Variants in FAF1 observed in about 807,000 individuals in gnomAD.
The protein encoded by FAF1 is FAS-associated factor 1.
Under a neutral mutation model 92.5 loss-of-function variants are expected in FAF1, and 25 were observed. The observed-to-expected ratio is 0.27, with a 90% CI of 0.20 to 0.38. The LOEUF is 0.38. FAF1 is among the 10% of genes least tolerant of loss of function. FAF1 has a pLI of 1.00. For synonymous variants in FAF1, 234 were observed against 273.2 expected, an observed-to-expected ratio of 0.86 and a Z score of 1.42; for missense variants, 636 against 793.3, an observed-to-expected ratio of 0.80 and a Z score of 2.38.
chr1:50,573,258 C>T (rs752342833), intron 12 of FAF1, among the ~76,000 whole-genome samples: 1 of 151,806 alleles, frequency 6.6e-6, no homozygotes, highest in Non-Finnish European at 1.5e-5. Context: ...GCCACCATGC[C>T]CGGCTAATTT....
intron 9 of FAF1, among the ~76,000 whole-genome samples, chr1:50,588,545 G>A (rs1651352638): frequency 6.6e-6 from 1 of 152,160 alleles, no homozygotes; most frequent in Non-Finnish European, 1.5e-5. Flanking sequence ...GAAGGAGAGA[G>A]GCACTCTGGG....
At chr1:50,916,162 C>T (rs1397430389) in intron 1 of FAF1, among the ~76,000 whole-genome samples, 2 of 151,990 alleles carry the variant, frequency 1.3e-5, no homozygotes, top group Non-Finnish European at 2.9e-5. Flanking sequence ...AAAAGGGGGT[C>T]GTAGGAGGAA....
chr1:50,932,900 T>C (rs1480415397), intron 1 of FAF1, among the ~76,000 whole-genome samples: 6 of 152,160 alleles, frequency 3.9e-5, no homozygotes, highest in African/African-American at 1.4e-4. Context: ...ACCCGGAGGC[T>C]CAACACCATG....
At chr1:50,531,748 A>G (rs1210380952) in intron 15 of FAF1, among the ~76,000 whole-genome samples, 1 of 152,176 alleles carries the variant, frequency 6.6e-6, no homozygotes, top group East Asian at 1.9e-4. Flanking sequence ...GGTTAAAAAT[A>G]GAGCAATCAG....
chr1:50,614,788 G>A (rs1242773386), intron 8 of FAF1, among the ~76,000 whole-genome samples: 6 of 145,374 alleles, frequency 4.1e-5, no homozygotes, highest in Admixed American at 2.1e-4. Flanking sequence ...GCAGTGAGCC[G>A]AGATCGCGTC....
intron 1 of FAF1, among the ~76,000 whole-genome samples, chr1:50,892,007 C>G (rs1644724296): frequency 6.6e-6 from 1 of 152,174 alleles, no homozygotes; most frequent in Non-Finnish European, 1.5e-5. Flanking sequence ...GGGGTCCACC[C>G]AGTTCGAGCT....
intron 14 of FAF1, among the ~76,000 whole-genome samples, chr1:50,535,884 C>T (rs1648453831): frequency 1.3e-5 from 2 of 152,196 alleles, no homozygotes; most frequent in East Asian, 3.9e-4. Flanking sequence ...ATGAAGGATT[C>T]ATTATGATTT....
At chr1:50,480,476 A>G (rs1279349773) in intron 17 of FAF1, among the ~76,000 whole-genome samples, 1 of 152,240 alleles carries the variant, frequency 6.6e-6, no homozygotes, top group Non-Finnish European at 1.5e-5. Context: ...GCTAACATTC[A>G]TTAATTCCAT....
intron 6 of FAF1, among the ~76,000 whole-genome samples, chr1:50,720,303 A>G (rs1009580474): frequency 2.0e-5 from 3 of 152,188 alleles, no homozygotes; most frequent in African/African-American, 7.2e-5. Context: ...AAAAACATTT[A>G]CCAGCCCAGT....
chr1:50,843,392 G>A (rs1557554688), intron 2 of FAF1, among the ~76,000 whole-genome samples: 1 of 152,070 alleles, frequency 6.6e-6, no homozygotes, highest in Admixed American at 6.5e-5. Context: ...ATTTATTTGT[G>A]TTGGGGACAC....
intron 8 of FAF1, among the ~76,000 whole-genome samples, chr1:50,604,328 A>T (rs1652278485): frequency 6.6e-6 from 1 of 152,172 alleles, no homozygotes; most frequent in African/African-American, 2.4e-5. Context: ...TGATCCCACC[A>T]TCCCCAACAG....
chr1:50,893,643 G>T (rs1364211210), intron 1 of FAF1, among the ~76,000 whole-genome samples: 2 of 152,156 alleles, frequency 1.3e-5, no homozygotes, highest in African/African-American at 4.8e-5. Flanking sequence ...CAGACCTGAT[G>T]CCAGCACAGT....
chr1:50,729,026 C>A (rs1430398974), intron 6 of FAF1, among the ~76,000 whole-genome samples: 3 of 73,628 alleles, frequency 4.1e-5, no homozygotes, highest in Admixed American at 1.4e-4. Flanking sequence ...ATCTATCTAT[C>A]TATCTATCTA....
intron 12 of FAF1, among the ~76,000 whole-genome samples, chr1:50,575,118 C>T (rs1650663720): frequency 6.6e-6 from 1 of 151,990 alleles, no homozygotes; most frequent in Admixed American, 6.6e-5. Flanking sequence ...CCGTGTTAGC[C>T]AGGATGATCT....
At chr1:50,725,027 G>A (rs1028756689) in intron 6 of FAF1, among the ~76,000 whole-genome samples, 1 of 152,112 alleles carries the variant, frequency 6.6e-6, no homozygotes, top group Admixed American at 6.6e-5. Flanking sequence ...TTTAGATTTC[G>A]ATTTAGATCT....
intron 17 of FAF1, among the ~76,000 whole-genome samples, chr1:50,486,232 C>T (rs1646767178): frequency 6.6e-6 from 1 of 152,158 alleles, no homozygotes; most frequent in Non-Finnish European, 1.5e-5. Context: ...CAAAAATTAA[C>T]TTTTCTTTCT....
chr1:50,494,208 C>A (rs967708325), intron 15 of FAF1, among the ~76,000 whole-genome samples: 2 of 152,172 alleles, frequency 1.3e-5, no homozygotes, highest in African/African-American at 2.4e-5. Context: ...CTCCAACTGT[C>A]CTCTTCAGAG....
At chr1:50,704,780 T>C (rs1657605731) in intron 7 of FAF1, among the ~76,000 whole-genome samples, 1 of 152,058 alleles carries the variant, frequency 6.6e-6, no homozygotes, top group Admixed American at 6.6e-5. Context: ...ATTCAAGTAA[T>C]CAATGAAGAA....
chr1:50,512,027 C>T (rs765186561), intron 15 of FAF1, among the ~76,000 whole-genome samples: 7 of 152,084 alleles, frequency 4.6e-5, no homozygotes, highest in Admixed American at 6.6e-5. Flanking sequence ...GTTTGTTGGC[C>T]ACATAAAAGT....
Sources: gnomAD v4.1 joint callset for allele counts (sites outside exome capture counted in the v4.1 genomes callset) on GRCh38, gnomAD v4.1.1 for gene constraint, MANE v1.5 for transcripts, NCBI Gene and HGNC (gene_info 2026-07-23, HGNC 2026-07-21) for gene names.